Variants in ZBTB20 observed in about 807,000 individuals in gnomAD.
The protein encoded by ZBTB20 is zinc finger and BTB domain containing 20, also known as zinc finger and BTB domain-containing protein 20.
A neutral mutation model predicts 56.9 loss-of-function variants in ZBTB20; 9 were observed. The observed-to-expected ratio is 0.16, with a 90% CI of 0.10 to 0.28. The LOEUF is 0.28. Among genes scored for constraint, ZBTB20 ranks in the 10% least tolerant of loss-of-function variants. The pLI is 1.00. For missense variants in ZBTB20, 655 were observed against 1,003.0 expected (o/e 0.65, Z 4.69); for synonymous variants, 417 against 420.7 (o/e 0.99, Z 0.11).
In ZBTB20 at chr3:114,579,489, AG is replaced by A. The variant is rs747239125; in HGVS notation, c.-294-79099del. Among the ~76,000 whole-genome samples the A allele has an allele frequency of 4.6e-5, 7 of 151,532 alleles. No individual in the cohort carries two copies. In the South Asian group the frequency reaches 1.2e-3, roughly 27 times the overall value. On this transcript the variant is annotated intron_variant, in intron 6 of 11. Coordinates refer to ENST00000675478, the MANE Select transcript of ZBTB20 (RefSeq NM_001348800.3). ...GATAATAAAAATTATTGAAAGTAAAAGGGTAATAATTCAATTCAAGAATCTA... is the reference window on the plus strand; with the variant it reads ...GATAATAAAAATTATTGAAAGTAAAAGGTAATAATTCAATTCAAGAATCTA...
At chr3:114,666,896 T>A (rs2061087221) in intron 6 of ZBTB20, among the ~76,000 whole-genome samples, 1 of 152,004 alleles carries the variant, frequency 6.6e-6, no homozygotes, top group South Asian at 2.1e-4. Flanking sequence ...TACCACCAGT[T>A]CCTTTTCCTG....
intron 3 of ZBTB20, among the ~76,000 whole-genome samples, chr3:114,963,950 G>A (rs2077547263): frequency 6.6e-6 from 1 of 152,018 alleles, no homozygotes; most frequent in Non-Finnish European, 1.5e-5. Flanking sequence ...TTTTTGTTAT[G>A]GATAAATTAT....
rs143976466 is a variant in ZBTB20, at chr3:114,729,982, T to G, written c.-342-36407A>C. Reference sequence around the variant, plus strand: ...TTTTTTTTTTTTTTTTTTTTTTGTATAGACAGGGTTTTGCTTGGGGGCCCA... The same window carrying G: ...TTTTTTTTTTTTTTTTTTTTTTGTAGAGACAGGGTTTTGCTTGGGGGCCCA... On this transcript the variant is annotated intron_variant, in intron 5 of 11. Transcript: ENST00000675478. Among the ~76,000 whole-genome samples, 439 of 145,400 alleles carry G rather than the reference T, an allele frequency of 3.0e-3. 1 individual carries two copies. The highest frequency in any genetic ancestry group is 0.011 in the African/African-American group (418 of 39,278).
chr3:114,927,909 A>C (rs1318957717), intron 3 of ZBTB20, among the ~76,000 whole-genome samples: 2 of 152,198 alleles, frequency 1.3e-5, no homozygotes, highest in Non-Finnish European at 2.9e-5. Flanking sequence ...GAAAATTATC[A>C]TTTTAAATAA....
intron 5 of ZBTB20, among the ~76,000 whole-genome samples, chr3:114,717,168 A>G (rs1194288915): frequency 1.3e-5 from 2 of 152,122 alleles, no homozygotes; most frequent in Admixed American, 6.6e-5. Flanking sequence ...CACCTACCTC[A>G]TAGCATTCTT....
At chr3:114,844,538 A>AAAAAAAAAAAAC (rs2074577387) in intron 4 of ZBTB20, among the ~76,000 whole-genome samples, 1 of 137,834 alleles carries the variant, frequency 7.3e-6, no homozygotes, top group South Asian at 2.2e-4. Flanking sequence ...AAAAAAAAAA[A>AAAAAAAAAAAAC]AAAAAAAAAA....
At chr3:114,681,945 ATGGCATGGCACAG>A (rs2062000114) in intron 6 of ZBTB20, among the ~76,000 whole-genome samples, 5 of 152,346 alleles carry the variant, frequency 3.3e-5, no homozygotes, top group Admixed American at 3.3e-4. Context: ...TTCTAAGCAC[ATGGCATGGCACAG>A]AGTAGGTCTT....
chr3:114,414,671 G>A (rs770476406), intron 7 of ZBTB20, among the ~76,000 whole-genome samples: 1 of 148,870 alleles, frequency 6.7e-6, no homozygotes, highest in Non-Finnish European at 1.5e-5. Flanking sequence ...AATGGGAAAA[G>A]TTATTTTTAT....
At position 114,675,886 on chromosome 3, in the gene ZBTB20, T is replaced by C. The variant is rs1422655501; in HGVS notation, c.-295+17642A>G. 3.3e-5 allele frequency among the ~76,000 whole-genome samples: 5 copies of C among 152,268 alleles called. No individual in the cohort carries two copies. In the East Asian group the frequency reaches 9.7e-4, roughly 29 times the overall value. Reference sequence around the variant, plus strand: ...GCAGTAACAATAACAATAATATTAATATCAGTTAATATTTATTTAACTCTT... The same window carrying C: ...GCAGTAACAATAACAATAATATTAACATCAGTTAATATTTATTTAACTCTT... On this transcript the variant is annotated intron_variant, in intron 6 of 11. Coordinates refer to ENST00000675478, the MANE Select transcript of ZBTB20 (RefSeq NM_001348800.3).
intron 7 of ZBTB20, among the ~76,000 whole-genome samples, chr3:114,494,537 A>G (rs937937656): frequency 6.6e-6 from 1 of 152,180 alleles, no homozygotes; most frequent in Non-Finnish European, 1.5e-5. Context: ...ATAATTCCCC[A>G]TGGAGGCAAA....
intron 6 of ZBTB20, among the ~76,000 whole-genome samples, chr3:114,627,647 A>T (rs1460978924): frequency 6.6e-6 from 1 of 152,202 alleles, no homozygotes; most frequent in Non-Finnish European, 1.5e-5. Flanking sequence ...AGCAAATAAA[A>T]CCTGTACATA....
intron 7 of ZBTB20, among the ~76,000 whole-genome samples, chr3:114,391,835 G>A (rs558408334): frequency 6.6e-6 from 1 of 152,210 alleles, no homozygotes; most frequent in South Asian, 2.1e-4. Context: ...TTAGTGGCTG[G>A]GCAAGGATAA....
At chr3:114,897,657 A>G (rs2074939639) in intron 4 of ZBTB20, among the ~76,000 whole-genome samples, 2 of 152,116 alleles carry the variant, frequency 1.3e-5, no homozygotes, top group African/African-American at 4.8e-5. Flanking sequence ...TATTGAGACT[A>G]ACAGAGAGAT....
At chr3:114,993,111 A>G (rs927734184) in intron 2 of ZBTB20, among the ~76,000 whole-genome samples, 1 of 151,986 alleles carries the variant, frequency 6.6e-6, no homozygotes, top group Non-Finnish European at 1.5e-5. Context: ...ATAATATTTT[A>G]GACCCTGAAG....
At chr3:114,607,550 G>A (rs1288483440) in intron 6 of ZBTB20, among the ~76,000 whole-genome samples, 1 of 151,954 alleles carries the variant, frequency 6.6e-6, no homozygotes, top group African/African-American at 2.4e-5. Context: ...TGATCCACCC[G>A]CCTCGGCCTC....
intron 11 of ZBTB20, among the ~76,000 whole-genome samples, chr3:114,347,152 A>C (rs1195327086): frequency 1.5e-5 from 2 of 129,318 alleles, no homozygotes; most frequent in African/African-American, 6.0e-5. Context: ...TCCTGGGCTC[A>C]AGTGATCTTC....
chr3:114,788,901 T>C (rs1335412788), intron 5 of ZBTB20, among the ~76,000 whole-genome samples: 1 of 152,068 alleles, frequency 6.6e-6, no homozygotes, highest in Non-Finnish European at 1.5e-5. Flanking sequence ...AGTGTGTGTG[T>C]AGGGGAACTA....
At chr3:114,495,470 C>T (rs2043187716) in intron 7 of ZBTB20, among the ~76,000 whole-genome samples, 1 of 151,744 alleles carries the variant, frequency 6.6e-6, no homozygotes, top group Non-Finnish European at 1.5e-5. Context: ...CACACACACA[C>T]ACACACAGTC....
At chr3:115,018,280 TAA>T (rs35969429) in intron 2 of ZBTB20, among the ~76,000 whole-genome samples, 1 of 143,244 alleles carries the variant, frequency 7.0e-6, no homozygotes, top group Non-Finnish European at 1.6e-5. Flanking sequence ...ATCCTTTAAA[TAA>T]AAAAAAAAGG....
Sources: gnomAD v4.1 joint callset for allele counts (sites outside exome capture counted in the v4.1 genomes callset) on GRCh38, gnomAD v4.1.1 for gene constraint, MANE v1.5 for transcripts, NCBI Gene and HGNC (gene_info 2026-07-23, HGNC 2026-07-21) for gene names.